PCNX2: variants seen among roughly 807,000 people sequenced by gnomAD.
The protein encoded by PCNX2 is pecanex 2.
In PCNX2, 168 loss-of-function variants were observed where a neutral mutation model predicts 223.8. That is an observed-to-expected ratio of 0.75 (90% CI 0.66 to 0.85). PCNX2 has a LOEUF of 0.85. PCNX2 is among the 40% of genes least tolerant of loss of function. The probability of loss-of-function intolerance (pLI) is 0.00; values close to 1 mark genes in which losing one functional copy is unlikely to be tolerated. For synonymous variants in PCNX2, 1,006 were observed against 1,052.6 expected, an observed-to-expected ratio of 0.96 and a Z score of 0.86; for missense variants, 2,507 against 2,675.5, an observed-to-expected ratio of 0.94 and a Z score of 1.39.
rs762453329 is a variant in PCNX2 at position 232,999,271 on chromosome 1, G to A, written c.5437C>T (p.Leu1813=). ...CAGGAGGAGTTAATCAAGTTCCGCA[G>A]GACCTGCTTATTGTTCTGGATACTG... ...RGSIQNNKQV[L]RNLINSSCDQ... is the part of the protein sequence containing the mutation. Residue 1813 remains leucine, a synonymous_variant, in exon 31 of 34, where the codon CTG becomes TTG. Transcript: ENST00000258229. 1.5e-5 allele frequency: 25 copies of A among 1,613,084 alleles called. No homozygotes were observed. The highest frequency in any genetic ancestry group is 1.9e-5 in the Non-Finnish European group (23 of 1,179,520).
intron 25 of PCNX2, among the ~76,000 whole-genome samples, chr1:233,053,958 A>G (rs1672099096): frequency 6.6e-6 from 1 of 152,198 alleles, no homozygotes; most frequent in African/African-American, 2.4e-5. Context: ...GGAACCCCAA[A>G]TGATGTTCCC....
intron 16 of PCNX2, 50 bp downstream of exon 16, chr1:233,179,015 GA>G: frequency 6.5e-7 from 1 of 1,535,526 alleles, no homozygotes. Context: ...AAAGCTGCAG[GA>G]ACTATGCCCC....
Position 233,292,198 on chromosome 1 carries a change from CTTTCTT to C in PCNX2, c.153+3122_153+3127del, listed in dbSNP as rs1473341250. ...TTCAATAGTGAAACTTTCTTTCTTT[CTTTCTT>C]TTTTTTTTTTTTTTTTTTTTGAGAT... On this transcript the variant is annotated intron_variant, in intron 1 of 33. Coordinates refer to ENST00000258229, the MANE Select transcript of PCNX2 (RefSeq NM_014801.4). Among the ~76,000 whole-genome samples the C allele has an allele frequency of 4.2e-3, 569 of 134,148 alleles. 3 individuals are homozygous for C. The highest frequency in any genetic ancestry group is 0.019 in the Middle Eastern group (5 of 258). The allele number at this position is 134,148 out of a possible 152,430, so 88.0% of individuals were successfully genotyped here. A position where few individuals can be genotyped will look rare whatever the true frequency, so the allele number is the denominator to read the frequency against.
At chr1:233,016,406 T>C (rs3766484) in intron 27 of PCNX2, among the ~76,000 whole-genome samples, 48,218 of 151,988 alleles carry the variant, frequency 0.32, 9,402 homozygotes, top group African/African-American at 0.54. Flanking sequence ...TTTTGTAAAC[T>C]GTCATAATTC....
At chr1:233,236,155 G>A (rs750277876) in intron 9 of PCNX2, among the ~76,000 whole-genome samples, 3 of 151,574 alleles carry the variant, frequency 2.0e-5, no homozygotes, top group South Asian at 2.1e-4. Context: ...GGGCCTAACC[G>A]AAGTATTTCT....
At chr1:233,067,404 A>G (rs866528757) in intron 23 of PCNX2, among the ~76,000 whole-genome samples, 4 of 117,318 alleles carry the variant, frequency 3.4e-5, no homozygotes, top group African/African-American at 1.0e-4. Flanking sequence ...AAAAAAAAAA[A>G]GCAAGACTTG....
At chr1:233,029,360 C>G (rs571123179) in intron 25 of PCNX2, among the ~76,000 whole-genome samples, 2 of 152,168 alleles carry the variant, frequency 1.3e-5, no homozygotes, top group African/African-American at 4.8e-5. Context: ...TTATTGTTGT[C>G]AAACGTTTTA....
At chr1:233,312,094 C>A in the PCNX2 span, among the ~76,000 whole-genome samples, 1 of 152,082 alleles carries the variant, frequency 6.6e-6, no homozygotes, top group East Asian at 1.9e-4. Flanking sequence ...CACCACTGCA[C>A]TCCAGCCTGG....
chr1:233,275,781 C>T lies in PCNX2; in HGVS notation c.154-12618G>A, dbSNP rs555968218. Among the ~76,000 whole-genome samples, 73 of 151,758 alleles carry T rather than the reference C, an allele frequency of 4.8e-4. 1 individual carries two copies. Among genetic ancestry groups the T allele is most frequent in the Admixed American group, 2.2e-3 (33 of 15,246 alleles). ...GCTCAGTGGCTCACGCCTGTAATCC[C>T]AGCACTTTGTGAGGCCGAGGTGGGC... On this transcript the variant is annotated intron_variant, in intron 1 of 33. Transcript: ENST00000258229.
At chr1:233,248,815 C>T (rs1462830572) in intron 8 of PCNX2, among the ~76,000 whole-genome samples, 1 of 152,196 alleles carries the variant, frequency 6.6e-6, no homozygotes, top group Non-Finnish European at 1.5e-5. Flanking sequence ...AGCATCAACA[C>T]ATTCAGTTGC....
At chr1:233,243,085 C>T (rs912745927) in intron 8 of PCNX2, among the ~76,000 whole-genome samples, 6 of 152,194 alleles carry the variant, frequency 3.9e-5, no homozygotes, top group Non-Finnish European at 7.3e-5. Context: ...CCACAAGAAC[C>T]GCACTGGTTC....
At chr1:233,152,145 G>T (rs1677853161) in intron 19 of PCNX2, among the ~76,000 whole-genome samples, 1 of 152,164 alleles carries the variant, frequency 6.6e-6, no homozygotes, top group South Asian at 2.1e-4. Context: ...AAAATGAGGG[G>T]AAGAGAGGGT....
At chr1:232,993,844 G>C (rs534864871) in intron 32 of PCNX2, among the ~76,000 whole-genome samples, 54 of 152,364 alleles carry the variant, frequency 3.5e-4, no homozygotes, top group Non-Finnish European at 7.2e-4. Context: ...CCAAAGTACA[G>C]CTTGGGCCAT....
chr1:233,239,584 T>C (rs17701138), intron 8 of PCNX2, among the ~76,000 whole-genome samples: 16,421 of 152,240 alleles, frequency 0.11, 1,017 homozygotes, highest in Non-Finnish European at 0.14. Context: ...TATAAGCATG[T>C]TGTCTTCCTA....
intron 17 of PCNX2, among the ~76,000 whole-genome samples, chr1:233,166,602 G>C (rs551701358): frequency 6.6e-6 from 1 of 152,130 alleles, no homozygotes; most frequent in Non-Finnish European, 1.5e-5. Flanking sequence ...GAGATATACA[G>C]ATGGCAAATG....
At position 233,044,666 on chromosome 1, in the gene PCNX2, ATTCT is replaced by A. The variant is rs548317019; in HGVS notation, c.4351+9598_4351+9601del. Among the ~76,000 whole-genome samples, 499 of 151,640 alleles carry A rather than the reference ATTCT, an allele frequency of 3.3e-3. 3 individuals are homozygous for A. The highest frequency in any genetic ancestry group is 0.011 in the African/African-American group (475 of 41,356). ...AGAAAAATGGTGCTTCCTCATTTGTATTCTTTCTTTTTTTTTTTTGAGACGGAGT... is the reference window on the plus strand; with the variant it reads ...AGAAAAATGGTGCTTCCTCATTTGTATTCTTTTTTTTTTTTGAGACGGAGT... On this transcript the variant is annotated intron_variant, in intron 25 of 33. Transcript: ENST00000258229.
chr1:233,262,088 G>A lies in PCNX2; in HGVS notation c.437C>T (p.Ser146Phe), dbSNP rs1427043947. The change falls in exon 3 of 34, where the codon TCC (serine) becomes TTC (phenylalanine). Residue 146 changes from serine (S) to phenylalanine (F), a missense_variant. This residue lies in a region of PCNX2 where 1,031 missense variants were observed against 1,021.7 expected (regional missense o/e 1.01). Coordinates refer to ENST00000258229, the MANE Select transcript of PCNX2 (RefSeq NM_014801.4). ...ATGAGAGGTTATGCTTTGCCCTCTG[G>A]AGCTGCAGCGGAGGGGAGGCGTGGA... ...NLSTPPLRCS[S>F]RGQSITSHHS... 6.2e-7 allele frequency: 1 copy of A among 1,613,762 alleles called. No homozygotes were observed. The highest frequency in any genetic ancestry group is 8.5e-7 in the Non-Finnish European group (1 of 1,179,820).
At chr1:233,270,349 T>A (rs977793231) in intron 1 of PCNX2, among the ~76,000 whole-genome samples, 1 of 152,150 alleles carries the variant, frequency 6.6e-6, no homozygotes, top group African/African-American at 2.4e-5. Context: ...TATCAGAAAA[T>A]CTGGAACTTG....
At chr1:233,219,682 T>G (rs1657253050) in intron 10 of PCNX2, among the ~76,000 whole-genome samples, 1 of 152,136 alleles carries the variant, frequency 6.6e-6, no homozygotes, top group African/African-American at 2.4e-5. Context: ...ACAGCAAAAC[T>G]GAGGGGAAAG....
Sources: gnomAD v4.1 joint callset for allele counts (sites outside exome capture counted in the v4.1 genomes callset) on GRCh38, gnomAD v4.1.1 for gene constraint, gnomAD v4.1.1 regional missense constraint, MANE v1.5 for transcripts, NCBI Gene and HGNC (gene_info 2026-07-23, HGNC 2026-07-21) for gene names.